Variants in SH3BGRL2 observed in about 807,000 individuals in gnomAD.
SH3BGRL2 encodes SH3 domain binding glutamate rich protein like 2, also known as SH3 domain-binding glutamic acid-rich-like protein 2.
Under a neutral mutation model 14.8 loss-of-function variants are expected in SH3BGRL2, and 21 were observed. The ratio of observed to expected loss-of-function variants is 1.42; its 90% CI spans 1.01 to 2.05. The LOEUF is 2.05. Among genes scored for constraint, SH3BGRL2 ranks in the 30% most tolerant of loss-of-function variants. The probability of loss-of-function intolerance (pLI) is 0.00; values close to 1 mark genes in which losing one functional copy is unlikely to be tolerated. For missense variants in SH3BGRL2, 147 were observed against 130.8 expected (o/e 1.12, Z -0.61); for synonymous variants, 50 against 47.8 (o/e 1.05, Z -0.19).
the SH3BGRL2 span, among the ~76,000 whole-genome samples, chr6:79,622,445 G>A: frequency 6.6e-6 from 1 of 152,172 alleles, no homozygotes; most frequent in South Asian, 2.1e-4. Context: ...AATGATACGT[G>A]TTGCAAGTAA....
the SH3BGRL2 span, among the ~76,000 whole-genome samples, chr6:79,581,596 A>T: frequency 6.6e-6 from 1 of 152,216 alleles, no homozygotes; most frequent in Admixed American, 6.5e-5. Context: ...ACAGCGCTTC[A>T]TGCTGAAAAC....
At chr6:79,648,726 A>C (rs1300174819) in intron 1 of SH3BGRL2, among the ~76,000 whole-genome samples, 2 of 152,172 alleles carry the variant, frequency 1.3e-5, no homozygotes, top group Non-Finnish European at 2.9e-5. Flanking sequence ...AATGCAAAAG[A>C]AACACTGTTT....
At chr6:79,644,003 A>G (rs1292779695) in intron 1 of SH3BGRL2, among the ~76,000 whole-genome samples, 1 of 152,160 alleles carries the variant, frequency 6.6e-6, no homozygotes, top group Non-Finnish European at 1.5e-5. Flanking sequence ...CGGGGAAAGA[A>G]AGGTTGGCCA....
chr6:79,673,793 C>T lies in SH3BGRL2; in HGVS notation c.225C>T (p.Tyr75=), dbSNP rs1197316472. ...CTCAGATATTTAATGGCGACCGATA[C>T]TGTGGAGTAAGTGGCTAGACTGTTA... ...LPPQIFNGDR[Y]CGDYDSFFES... is the part of the protein sequence containing the mutation. Residue 75 remains tyrosine, a synonymous_variant, in exon 2 of 4, where the codon TAC becomes TAT. Coordinates refer to ENST00000369838, the MANE Select transcript of SH3BGRL2 (RefSeq NM_031469.4). 1.9e-6 allele frequency: 3 copies of T among 1,613,382 alleles called. No individual in the cohort carries two copies. Among genetic ancestry groups the T allele is most frequent in the Non-Finnish European group, 2.5e-6 (3 of 1,179,672 alleles).
the SH3BGRL2 span, among the ~76,000 whole-genome samples, chr6:79,593,025 C>T: frequency 6.6e-6 from 1 of 152,154 alleles, no homozygotes; most frequent in Admixed American, 6.5e-5. Flanking sequence ...TTTAAACCCT[C>T]TTGATGGTAT....
At chr6:79,691,264 G>A (rs571660212) in intron 2 of SH3BGRL2, among the ~76,000 whole-genome samples, 1 of 152,184 alleles carries the variant, frequency 6.6e-6, no homozygotes, top group African/African-American at 2.4e-5. Context: ...TACAAGGAGT[G>A]GGAAGTCTCA....
At chr6:79,641,640 T>G (rs2127724005) in intron 1 of SH3BGRL2, among the ~76,000 whole-genome samples, 1 of 152,296 alleles carries the variant, frequency 6.6e-6, no homozygotes, top group South Asian at 2.1e-4. Context: ...TTGAATGAAA[T>G]GAATGATTTT....
chr6:79,690,633 G>T (rs767219806), intron 2 of SH3BGRL2, among the ~76,000 whole-genome samples: 3 of 152,188 alleles, frequency 2.0e-5, no homozygotes, highest in Non-Finnish European at 4.4e-5. Context: ...GTTGATCAAG[G>T]TCATAGATAA....
chr6:79,589,831 T>C, the SH3BGRL2 span, among the ~76,000 whole-genome samples: 37,634 of 152,164 alleles, frequency 0.25, 4,856 homozygotes, highest in Middle Eastern at 0.45. Context: ...TGGAGTGCAG[T>C]GGCAATCTCA....
chr6:79,591,832 G>A, the SH3BGRL2 span, among the ~76,000 whole-genome samples: 22 of 152,218 alleles, frequency 1.4e-4, no homozygotes, highest in African/African-American at 5.1e-4. Flanking sequence ...TCAGATTCAT[G>A]AACAACCAAA....
chr6:79,694,370 A>G (rs956887909), intron 2 of SH3BGRL2, among the ~76,000 whole-genome samples: 1 of 152,208 alleles, frequency 6.6e-6, no homozygotes, highest in African/African-American at 2.4e-5. Flanking sequence ...AGAATTATTT[A>G]TTGAACTCTC....
intron 2 of SH3BGRL2, among the ~76,000 whole-genome samples, chr6:79,676,962 C>G (rs145336029): frequency 6.6e-6 from 1 of 152,244 alleles, no homozygotes; most frequent in Non-Finnish European, 1.5e-5. Context: ...ATGGCATCTT[C>G]TGTGCTTGAA....
intron 2 of SH3BGRL2, among the ~76,000 whole-genome samples, chr6:79,683,903 T>C (rs369015421): frequency 1.3e-5 from 2 of 152,300 alleles, no homozygotes; most frequent in African/African-American, 4.8e-5. Context: ...CAATTGAGTG[T>C]GTCACCTGGT....
At chr6:79,558,350 A>G in the SH3BGRL2 span, among the ~76,000 whole-genome samples, 1 of 152,184 alleles carries the variant, frequency 6.6e-6, no homozygotes, top group Non-Finnish European at 1.5e-5. Flanking sequence ...TGTTGTATAC[A>G]TTGGATAGCA....
At chr6:79,549,896 T>A in the SH3BGRL2 span, among the ~76,000 whole-genome samples, 5,124 of 152,148 alleles carry the variant, frequency 0.034, 108 homozygotes, top group Middle Eastern at 0.054. Context: ...TCTGTAGGGG[T>A]AAGGAGAGTT....
At chr6:79,686,403 T>G (rs1372624286) in intron 2 of SH3BGRL2, among the ~76,000 whole-genome samples, 1 of 152,164 alleles carries the variant, frequency 6.6e-6, no homozygotes, top group African/African-American at 2.4e-5. Flanking sequence ...GTTCTAACTT[T>G]CAATACTCTT....
chr6:79,543,452 CA>C, the SH3BGRL2 span, among the ~76,000 whole-genome samples: 1 of 152,194 alleles, frequency 6.6e-6, no homozygotes, highest in African/African-American at 2.4e-5. Flanking sequence ...AGCCAGCTTC[CA>C]AAAAGGAAAA....
Position 79,701,339 on chromosome 6 carries a change from T to C in SH3BGRL2, c.*1830T>C, listed in dbSNP as rs1770451598. On this transcript the variant is annotated 3_prime_UTR_variant, in exon 4 of 4. Coordinates refer to ENST00000369838, the MANE Select transcript of SH3BGRL2 (RefSeq NM_031469.4). ...TCTTTTTAAGCAGTTGTAAAAATTGTCATGTTGTAATTCATTACTCAGCTA... is the reference window on the plus strand; with the variant it reads ...TCTTTTTAAGCAGTTGTAAAAATTGCCATGTTGTAATTCATTACTCAGCTA... The C allele has an allele frequency of 6.6e-6, 1 of 152,184 alleles. No homozygotes were observed. The highest frequency in any genetic ancestry group is 1.5e-5 in the Non-Finnish European group (1 of 68,044). The allele number at this position is 152,184 out of a possible 1,614,324, so 9.4% of individuals were successfully genotyped here.
At chr6:79,547,816 A>G in the SH3BGRL2 span, among the ~76,000 whole-genome samples, 2 of 152,218 alleles carry the variant, frequency 1.3e-5, no homozygotes, top group African/African-American at 4.8e-5. Context: ...TTAATACCCT[A>G]CTAAGCTGAG....
Sources: gnomAD v4.1 joint callset for allele counts (sites outside exome capture counted in the v4.1 genomes callset) on GRCh38, gnomAD v4.1.1 for gene constraint, MANE v1.5 for transcripts, NCBI Gene and HGNC (gene_info 2026-07-23, HGNC 2026-07-21) for gene names.